The following WDR26 variants were observed in gnomAD, a reference collection of about 807,000 sequenced individuals.
WDR26 encodes the protein WD repeat-containing protein 26.
A neutral mutation model predicts 84.1 loss-of-function variants in WDR26; 5 were observed. The observed-to-expected ratio is 0.06, with a 90% CI of 0.03 to 0.13. The LOEUF is 0.13. Ranked by LOEUF, WDR26 falls within the 10% of genes least tolerant of loss-of-function variation. The pLI is 1.00. For missense variants in WDR26, 642 were observed against 974.9 expected (o/e 0.66, Z 4.55); for synonymous variants, 415 against 389.6 (o/e 1.07, Z -0.77).
rs1394700710 is a variant in WDR26 at position 224,385,346 on chromosome 1, T to C, written c.*4489A>G. On this transcript the variant is annotated 3_prime_UTR_variant, in exon 14 of 14. Coordinates refer to ENST00000414423, the MANE Select transcript of WDR26 (RefSeq NM_001379403.1). ...ATAAAATAAAAGTCAACAAAGGGTGTTTTGTAAATAATTAGTAAACAAGTG... is the reference window on the plus strand; with the variant it reads ...ATAAAATAAAAGTCAACAAAGGGTGCTTTGTAAATAATTAGTAAACAAGTG... 1 of 152,194 alleles carries C rather than the reference T, an allele frequency of 6.6e-6. No individual in the cohort carries two copies. Among genetic ancestry groups the C allele is most frequent in the East Asian group, 1.9e-4 (1 of 5,200 alleles). The allele number at this position is 152,194 out of a possible 1,614,324, so 9.4% of individuals were successfully genotyped here.
chr1:224,398,319 T>A (rs1281835345), intron 11 of WDR26, 93 bp from the exon 12 acceptor site: 2 of 1,472,422 alleles, frequency 1.4e-6, no homozygotes, highest in Admixed American at 5.0e-5. Flanking sequence ...TGATGAAATA[T>A]CTTCATTTTC....
intron 4 of WDR26, among the ~76,000 whole-genome samples, chr1:224,421,904 T>C (rs778863125): frequency 5.3e-5 from 8 of 152,226 alleles, no homozygotes; most frequent in Non-Finnish European, 1.0e-4. Context: ...GCTACTTAAC[T>C]TCTTTGAGGC....
chr1:224,390,610 A>G (rs1420956699), intron 13 of WDR26, among the ~76,000 whole-genome samples: 1 of 151,990 alleles, frequency 6.6e-6, no homozygotes, highest in Non-Finnish European at 1.5e-5. Context: ...ATCCTACTCC[A>G]TTTTTTTGGG....
chr1:224,423,703 G>A (rs1452631269), intron 4 of WDR26, among the ~76,000 whole-genome samples: 2 of 152,202 alleles, frequency 1.3e-5, no homozygotes, highest in African/African-American at 4.8e-5. Context: ...ATCTATGATT[G>A]TGCCACTGCA....
intron 4 of WDR26, among the ~76,000 whole-genome samples, chr1:224,422,667 T>C (rs1674097333): frequency 6.6e-6 from 1 of 151,732 alleles, no homozygotes; most frequent in Non-Finnish European, 1.5e-5. Flanking sequence ...TGAGCTGAGA[T>C]TGCACCATTG....
intron 3 of WDR26, 49 bp downstream of exon 3, chr1:224,431,428 C>T (rs1049694716): frequency 1.3e-6 from 2 of 1,538,644 alleles, no homozygotes; most frequent in African/African-American, 2.7e-5. Context: ...TTATCAATAA[C>T]CTACTAAAAT....
rs1259533296 is a variant in WDR26, at chr1:224,418,300, G to T, written c.1279C>A (p.Leu427Ile). Residue 427 changes from leucine (L) to isoleucine (I), a missense_variant, in exon 6 of 14, where the codon CTA becomes ATA. Coordinates refer to ENST00000414423, the MANE Select transcript of WDR26 (RefSeq NM_001379403.1). ...TCTATAAGCAGAGACACAGAATCTA[G>T]ATTATTATCAAGTTTGGTATTGTGA... 1.2e-6 allele frequency: 2 copies of T among 1,613,322 alleles called. No homozygotes were observed. Among genetic ancestry groups the T allele is most frequent in the South Asian group, 1.1e-5 (1 of 90,924 alleles).
intron 1 of WDR26, among the ~76,000 whole-genome samples, chr1:224,433,178 T>A (rs573080422): frequency 1.3e-5 from 2 of 152,174 alleles, no homozygotes; most frequent in East Asian, 3.9e-4. Context: ...TGTAGGTGAT[T>A]GTCTTTCCTG....
Position 224,389,432 on chromosome 1 carries a change from T to G in WDR26, c.*403A>C, listed in dbSNP as rs1411597236. The stretch of plus-strand genomic sequence containing the variant: ...TCTTCAGACTAATGCACTCTTTCTA[T>G]CAAGCCTTCTAAACTGTTAAATAAA... On this transcript the variant is annotated 3_prime_UTR_variant, in exon 14 of 14. Transcript: ENST00000414423. 3 of 440,194 alleles carry G rather than the reference T, an allele frequency of 6.8e-6. No individual in the cohort carries two copies. Among genetic ancestry groups the G allele is most frequent in the Non-Finnish European group, 1.2e-5 (3 of 252,962 alleles). 27.3% of individuals were successfully genotyped at this position (440,194 alleles called of 1,614,324 possible). A position where few individuals can be genotyped will look rare whatever the true frequency, so the allele number is the denominator to read the frequency against.
At chr1:224,420,276 C>T (rs527418556) in intron 4 of WDR26, among the ~76,000 whole-genome samples, 114 of 152,312 alleles carry the variant, frequency 7.5e-4, no homozygotes, top group Non-Finnish European at 1.3e-3. Context: ...CTAAAGTTCA[C>T]AGATTCTGGA....
intron 4 of WDR26, among the ~76,000 whole-genome samples, chr1:224,424,030 G>C (rs866095063): frequency 7.0e-6 from 1 of 142,766 alleles, no homozygotes; most frequent in African/African-American, 2.4e-5. Flanking sequence ...GGACAACACT[G>C]TAAGACCCTG....
At chr1:224,411,327 G>C in intron 7 of WDR26, 100 bp downstream of exon 7, 1 of 1,278,762 alleles carries the variant, frequency 7.8e-7, no homozygotes, top group Admixed American at 3.1e-5. Flanking sequence ...TCTTAGAAAA[G>C]AATACTATTG....
At chr1:224,431,855 A>G (rs1251330421) in intron 1 of WDR26, 74 bp from the exon 2 acceptor site, 8 of 1,176,192 alleles carry the variant, frequency 6.8e-6, no homozygotes, top group Non-Finnish European at 9.2e-6. Flanking sequence ...ACTAATGTCC[A>G]TGAAAACAGA....
At chr1:224,397,546 C>A (rs183071873) in intron 12 of WDR26, among the ~76,000 whole-genome samples, 2 of 152,234 alleles carry the variant, frequency 1.3e-5, no homozygotes, top group Admixed American at 1.3e-4. Flanking sequence ...CAAGTTTATT[C>A]AAAAGGGTAG....
chr1:224,428,504 C>A (rs1337604007), intron 3 of WDR26, among the ~76,000 whole-genome samples: 3 of 152,052 alleles, frequency 2.0e-5, no homozygotes, highest in African/African-American at 7.2e-5. Context: ...TAAAAAATAA[C>A]CAAATATTTC....
rs1673668537 is a variant in WDR26, at chr1:224,409,342, CA to C, written c.1458+2084del. Among the ~76,000 whole-genome samples the C allele has an allele frequency of 2.0e-5, 3 of 152,238 alleles. No individual in the cohort carries two copies. The South Asian group carries it at 6.2e-4, about 32-fold the overall frequency. The stretch of plus-strand genomic sequence containing the variant: ...AGTTGGCTTTCCTTAGTAATGAATA[CA>C]TAACATATATTTGGCCTTGCTATGT... On this transcript the variant is annotated intron_variant, in intron 7 of 13. Transcript: ENST00000414423.
chr1:224,434,172 A>G lies in WDR26; in HGVS notation c.234T>C (p.Ala78=). 7.0e-7 allele frequency: 1 copy of G among 1,422,220 alleles called. No homozygotes were observed. The highest frequency in any genetic ancestry group is 9.1e-7 in the Non-Finnish European group (1 of 1,093,190). The allele number at this position is 1,422,220 out of a possible 1,614,324, so 88.1% of individuals were successfully genotyped here. A position where few individuals can be genotyped will look rare whatever the true frequency, so the allele number is the denominator to read the frequency against. ...GGACAGCAGCGGCGGCGGGAGGGGC[A>G]GCAGCCGGGGGAAGTCCCACCACTA... The change falls in exon 1 of 14, where the codon GCT becomes GCC. Residue 78 remains alanine, a synonymous_variant. Coordinates refer to ENST00000414423, the MANE Select transcript of WDR26 (RefSeq NM_001379403.1).
At chr1:224,418,483 G>C in intron 5 of WDR26, 67 bp from the exon 6 acceptor site, 1 of 1,429,180 alleles carries the variant, frequency 7.0e-7, no homozygotes, top group Non-Finnish European at 9.4e-7. Flanking sequence ...TAAGACATTT[G>C]CTCATCTTCT....
intron 4 of WDR26, 56 bp downstream of exon 4, chr1:224,424,460 TAA>T: frequency 6.3e-7 from 1 of 1,576,108 alleles, no homozygotes; most frequent in Non-Finnish European, 8.6e-7. Flanking sequence ...GGAAAAATGT[TAA>T]AGAAATATAA....
Sources: allele counts gnomAD v4.1 joint callset (sites outside exome capture counted in the v4.1 genomes callset), GRCh38; gene constraint gnomAD v4.1.1; transcripts MANE v1.5; gene names NCBI Gene and HGNC (gene_info 2026-07-23, HGNC 2026-07-21).